Variants in TNRC6A observed in about 807,000 individuals in gnomAD.
The protein encoded by TNRC6A is trinucleotide repeat containing adaptor 6A.
In TNRC6A, 44 loss-of-function variants were observed where a neutral mutation model predicts 221.2. That is an observed-to-expected ratio of 0.20 (90% CI 0.16 to 0.26). The LOEUF is 0.26. TNRC6A is among the 10% of genes least tolerant of loss of function. The probability of loss-of-function intolerance (pLI) is 1.00; values close to 1 mark genes in which losing one functional copy is unlikely to be tolerated. For synonymous variants in TNRC6A, 847 were observed against 838.5 expected (o/e 1.01, Z -0.18); for missense variants, 2,199 against 2,404.4 (o/e 0.91, Z 1.79).
intron 2 of TNRC6A, among the ~76,000 whole-genome samples, chr16:24,667,157 C>T (rs1288949887): frequency 3.7e-4 from 56 of 152,116 alleles, no homozygotes; most frequent in Admixed American, 3.6e-3. Context: ...CTCTTTACTG[C>T]TTATGAGTCC....
chr16:24,817,438 C>CT (rs1033565364), intron 20 of TNRC6A, among the ~76,000 whole-genome samples: 10 of 152,084 alleles, frequency 6.6e-5, no homozygotes, highest in Admixed American at 5.2e-4. Flanking sequence ...CTTATATACT[C>CT]TGAATATTGA....
intron 2 of TNRC6A, among the ~76,000 whole-genome samples, chr16:24,670,382 G>A (rs2055270890): frequency 6.6e-6 from 1 of 152,076 alleles, no homozygotes; most frequent in South Asian, 2.1e-4. Context: ...CCAGGTTGGT[G>A]CCCTTCAGGA....
chr16:24,651,368 G>A lies in TNRC6A; in HGVS notation n.402+10359G>A, dbSNP rs1348331746. On this transcript the variant is annotated intron_variant and non_coding_transcript_variant, in intron 2 of 2. Transcript: ENST00000566108. ...AGCCTGACCAACATGGAGAAACCCT[G>A]TCTCTACTAAAAATACAAAATCAGC... 2.6e-5 allele frequency among the ~76,000 whole-genome samples: 4 copies of A among 150,966 alleles called. No individual in the cohort carries two copies. The East Asian group carries it at 7.8e-4, about 30-fold the overall frequency.
chr16:24,719,841 A>G (rs892901489), intron 2 of TNRC6A, among the ~76,000 whole-genome samples: 5 of 100,230 alleles, frequency 5.0e-5, no homozygotes, highest in Admixed American at 1.0e-4. Flanking sequence ...ACCTTGTCTC[A>G]AAAAAAAAAA....
At position 24,823,545 on chromosome 16, in the gene TNRC6A, G is replaced by C. The variant is rs779334584; in HGVS notation, c.5627G>C (p.Gly1876Ala). 1.2e-6 allele frequency: 2 copies of C among 1,614,138 alleles called. No individual in the cohort carries two copies. The highest frequency in any genetic ancestry group is 1.7e-6 in the Non-Finnish European group (2 of 1,180,008). Residue 1876 changes from glycine (G) to alanine (A), a missense_variant, in exon 25 of 25, where the codon GGG (glycine) becomes GCG (alanine). Transcript: ENST00000395799. The surrounding 1 kb of genome is among the most constrained non-coding windows in gnomAD (Gnocchi z 4.3). ...LTPSPGWQSL[G>A]SSQSRLGSLD... Reference sequence around the variant, plus strand: ...CCTTCTCCCGGCTGGCAGTCTCTCGGGTCCAGCCAGAGCCGGCTGGGCTCC... The same window carrying C: ...CCTTCTCCCGGCTGGCAGTCTCTCGCGTCCAGCCAGAGCCGGCTGGGCTCC...
intron 2 of TNRC6A, chr16:24,671,149 T>G (rs749275961): frequency 4.5e-6 from 1 of 221,506 alleles, no homozygotes; most frequent in Non-Finnish European, 9.9e-6. Flanking sequence ...GCTCCCTGGG[T>G]GGACATGACA....
intron 2 of TNRC6A, among the ~76,000 whole-genome samples, chr16:24,658,907 C>T (rs1334232793): frequency 6.6e-6 from 1 of 151,966 alleles, no homozygotes; most frequent in South Asian, 2.1e-4. Flanking sequence ...CTCCCTTACT[C>T]AAGCGATCCT....
At chr16:24,797,173 A>C (rs1302185008) in intron 9 of TNRC6A, among the ~76,000 whole-genome samples, 1 of 152,102 alleles carries the variant, frequency 6.6e-6, no homozygotes, top group African/African-American at 2.4e-5. Context: ...CTAATCTTAC[A>C]GTTCTCCGTT....
intron 2 of TNRC6A, among the ~76,000 whole-genome samples, chr16:24,666,818 A>G (rs554907025): frequency 6.6e-6 from 1 of 151,512 alleles, no homozygotes; most frequent in East Asian, 1.9e-4. Context: ...TAATTGCTTA[A>G]AAAAACACCA....
At chr16:24,648,362 C>T (rs1044041887) in intron 2 of TNRC6A, among the ~76,000 whole-genome samples, 6 of 145,096 alleles carry the variant, frequency 4.1e-5, no homozygotes, top group Non-Finnish European at 6.0e-5. Flanking sequence ...ACCTCCAACC[C>T]CCAGTTCAAG....
In TNRC6A at chr16:24,806,537, C is replaced by T. The variant is rs760826564; in HGVS notation, c.4330-37C>T. On this transcript the variant is annotated intron_variant, in intron 16 of 24. Coordinates refer to ENST00000395799, the MANE Select transcript of TNRC6A (RefSeq NM_014494.4). ...TGTAGTTTTCTGTAAAGACGTTTTCCCCCAGTAATTTTTTCCAATCATTTC... is the reference window on the plus strand; with the variant it reads ...TGTAGTTTTCTGTAAAGACGTTTTCTCCCAGTAATTTTTTCCAATCATTTC... 4 of 1,608,656 alleles carry T rather than the reference C, an allele frequency of 2.5e-6. No homozygotes were observed. The Admixed American group carries it at 5.0e-5, about 20-fold the overall frequency.
intron 2 of TNRC6A, among the ~76,000 whole-genome samples, chr16:24,672,009 G>A (rs1337946853): frequency 6.6e-6 from 1 of 152,214 alleles, no homozygotes; most frequent in African/African-American, 2.4e-5. Context: ...GACAGTTGGT[G>A]AAATTTTAAT....
intron 2 of TNRC6A, among the ~76,000 whole-genome samples, chr16:24,704,497 T>A (rs1421467632): frequency 3.3e-5 from 5 of 151,130 alleles, no homozygotes; most frequent in Non-Finnish European, 3.0e-5. Flanking sequence ...AAACCCCATC[T>A]CTACTAAAAA....
chr16:24,634,060 G>T (rs1244782483), intron 1 of TNRC6A, among the ~76,000 whole-genome samples: 5 of 152,158 alleles, frequency 3.3e-5, no homozygotes, highest in Non-Finnish European at 7.3e-5. Flanking sequence ...AGCATGACAG[G>T]CGTGAGCCAC....
chr16:24,768,066 T>C (rs994003915), intron 4 of TNRC6A, among the ~76,000 whole-genome samples: 3 of 152,194 alleles, frequency 2.0e-5, no homozygotes, highest in African/African-American at 7.2e-5. Context: ...TAAGCAAATT[T>C]GAAGAGAGCC....
chr16:24,620,619 C>T (rs1416899630), intron 1 of TNRC6A, among the ~76,000 whole-genome samples: 2 of 151,556 alleles, frequency 1.3e-5, no homozygotes, highest in Non-Finnish European at 2.9e-5. Flanking sequence ...ACCAGCTTGA[C>T]CAATATAATG....
chr16:24,717,771 T>C (rs867847102), intron 2 of TNRC6A, among the ~76,000 whole-genome samples: 22 of 60,576 alleles, frequency 3.6e-4, no homozygotes, highest in South Asian at 2.0e-3. Context: ...TTTTTTTTTC[T>C]TTTTTTTTTT....
chr16:24,766,503 A>G (rs1345915433), intron 4 of TNRC6A, among the ~76,000 whole-genome samples: 2 of 152,154 alleles, frequency 1.3e-5, no homozygotes, highest in Admixed American at 1.3e-4. Flanking sequence ...CCATTAAAGT[A>G]GAACCCAGCC....
chr16:24,764,818 A>G (rs948610067), intron 4 of TNRC6A, among the ~76,000 whole-genome samples: 9 of 152,214 alleles, frequency 5.9e-5, no homozygotes, highest in Non-Finnish European at 1.3e-4. Context: ...AATCTCGGAT[A>G]GTACTGAACC....
Sources: allele counts gnomAD v4.1 joint callset (sites outside exome capture counted in the v4.1 genomes callset), GRCh38; gene constraint gnomAD v4.1.1; non-coding constraint Gnocchi (gnomAD v3.1); transcripts MANE v1.5; gene names NCBI Gene and HGNC (gene_info 2026-07-23, HGNC 2026-07-21).